Variants in CDC14A observed in about 807,000 individuals in gnomAD.
CDC14A encodes cell division cycle 14A, also known as dual specificity protein phosphatase CDC14A.
CDC14A carries 53 observed loss-of-function variants against 74.4 expected under a neutral mutation model. The observed-to-expected ratio is 0.71, with a 90% CI of 0.57 to 0.89. CDC14A has a LOEUF of 0.89. Among genes scored for constraint, CDC14A ranks in the 40% least tolerant of loss-of-function variants. CDC14A has a pLI of 0.00. For missense variants in CDC14A, 646 were observed against 713.7 expected, an observed-to-expected ratio of 0.91 and a Z score of 1.08; for synonymous variants, 247 against 258.4, an observed-to-expected ratio of 0.96 and a Z score of 0.43.
chr1:100,512,462 A>AT (rs940548688), intron 15 of CDC14A, among the ~76,000 whole-genome samples: 13 of 151,934 alleles, frequency 8.6e-5, no homozygotes, highest in South Asian at 8.3e-4. Context: ...GGAGTTGTGT[A>AT]TTTTTTTTCT....
intron 2 of CDC14A, among the ~76,000 whole-genome samples, chr1:100,365,748 A>G (rs1012847575): frequency 3.3e-5 from 5 of 152,192 alleles, no homozygotes; most frequent in African/African-American, 1.2e-4. Context: ...TAGTGCCCTC[A>G]TCTGAGGTTG....
At chr1:100,493,491 A>G (rs972792459) in intron 11 of CDC14A, among the ~76,000 whole-genome samples, 1 of 152,238 alleles carries the variant, frequency 6.6e-6, no homozygotes, top group African/African-American at 2.4e-5. Flanking sequence ...TTTGATGGTA[A>G]TAAGTTCCTC....
intron 4 of CDC14A, among the ~76,000 whole-genome samples, chr1:100,401,836 C>A (rs112842520): frequency 0.054 from 8,169 of 151,876 alleles, 416 homozygotes; most frequent in African/African-American, 0.13. Flanking sequence ...GTCGGGAGTT[C>A]GAGACCAGCC....
chr1:100,371,625 A>T (rs1378124611), intron 2 of CDC14A, among the ~76,000 whole-genome samples: 2 of 152,178 alleles, frequency 1.3e-5, no homozygotes, highest in African/African-American at 4.8e-5. Context: ...TGCTGACCCA[A>T]CCTTGCATTC....
At chr1:100,412,114 C>T (rs540232641) in intron 4 of CDC14A, among the ~76,000 whole-genome samples, 3 of 152,248 alleles carry the variant, frequency 2.0e-5, no homozygotes, top group East Asian at 3.9e-4. Flanking sequence ...TTTTATTCTT[C>T]GTGACCTGTG....
chr1:100,359,874 C>T (rs890684151), intron 2 of CDC14A, among the ~76,000 whole-genome samples: 1 of 151,476 alleles, frequency 6.6e-6, no homozygotes, highest in Non-Finnish European at 1.5e-5. Context: ...GTTTCTTCCC[C>T]CCTTTTTCTT....
At chr1:100,410,537 C>G (rs899415708) in intron 4 of CDC14A, among the ~76,000 whole-genome samples, 2 of 152,156 alleles carry the variant, frequency 1.3e-5, no homozygotes, top group African/African-American at 2.4e-5. Context: ...CCAGGCTGGT[C>G]TCACACTCCT....
At chr1:100,450,738 T>C (rs1346467447) in intron 7 of CDC14A, among the ~76,000 whole-genome samples, 1 of 152,224 alleles carries the variant, frequency 6.6e-6, no homozygotes, top group Non-Finnish European at 1.5e-5. Context: ...GTTTTGAGAC[T>C]TACCCTGACC....
chr1:100,371,312 G>C (rs1654439319), intron 2 of CDC14A, among the ~76,000 whole-genome samples: 2 of 152,102 alleles, frequency 1.3e-5, no homozygotes, highest in South Asian at 4.1e-4. Context: ...TGCTTGCTCT[G>C]GCTAGGACTT....
intron 7 of CDC14A, among the ~76,000 whole-genome samples, chr1:100,450,748 C>A (rs938620702): frequency 6.6e-6 from 1 of 152,274 alleles, no homozygotes; most frequent in South Asian, 2.1e-4. Context: ...TTACCCTGAC[C>A]TAAACAATTC....
chr1:100,420,063 C>CTATATATAT (rs1553180531), intron 4 of CDC14A, among the ~76,000 whole-genome samples: 7 of 61,564 alleles, frequency 1.1e-4, no homozygotes, highest in African/African-American at 2.8e-4. Context: ...CACACACACA[C>CTATATATAT]ATATATATAT....
intron 10 of CDC14A, among the ~76,000 whole-genome samples, chr1:100,477,123 C>G (rs1557803569): frequency 6.6e-6 from 1 of 152,160 alleles, no homozygotes; most frequent in Non-Finnish European, 1.5e-5. Context: ...CCAGCTCTGC[C>G]TACTGTCACT....
intron 11 of CDC14A, among the ~76,000 whole-genome samples, chr1:100,491,768 C>T (rs1670724556): frequency 6.6e-6 from 1 of 150,548 alleles, no homozygotes; most frequent in Admixed American, 6.6e-5. Flanking sequence ...GATGGGGTTT[C>T]ACCATGTGGG....
chr1:100,403,598 C>T (rs1659555352), intron 4 of CDC14A, among the ~76,000 whole-genome samples: 1 of 152,226 alleles, frequency 6.6e-6, no homozygotes, highest in Admixed American at 6.5e-5. Flanking sequence ...GGTTTTTATT[C>T]AGTTGGTACT....
At chr1:100,444,280 A>G (rs2101137360) in intron 7 of CDC14A, among the ~76,000 whole-genome samples, 1 of 152,224 alleles carries the variant, frequency 6.6e-6, no homozygotes, top group South Asian at 2.1e-4. Flanking sequence ...CTCAGGTCTC[A>G]CGTCTTTTCC....
chr1:100,470,029 C>T (rs905583353), intron 10 of CDC14A, among the ~76,000 whole-genome samples: 6 of 152,014 alleles, frequency 3.9e-5, no homozygotes, highest in African/African-American at 1.4e-4. Context: ...AGAAAGTCCT[C>T]CAAAATGATA....
intron 15 of CDC14A, chr1:100,504,944 G>A (rs768173243): frequency 5.9e-6 from 9 of 1,521,710 alleles, no homozygotes; most frequent in Non-Finnish European, 7.9e-6. Flanking sequence ...CCCAGTAAGT[G>A]GAATCCACCC....
chr1:100,467,074 G>A (rs186154445), intron 9 of CDC14A, among the ~76,000 whole-genome samples: 7 of 151,658 alleles, frequency 4.6e-5, no homozygotes, highest in Admixed American at 3.9e-4. Flanking sequence ...GCTCCTGGAA[G>A]GAACAATAAT....
intron 11 of CDC14A, among the ~76,000 whole-genome samples, chr1:100,492,170 A>C (rs1670773551): frequency 6.6e-6 from 1 of 152,344 alleles, no homozygotes; most frequent in African/African-American, 2.4e-5. Context: ...AAATACATGC[A>C]AAGTAATTAT....
Sources: gnomAD v4.1 joint callset for allele counts (sites outside exome capture counted in the v4.1 genomes callset) on GRCh38, gnomAD v4.1.1 for gene constraint, MANE v1.5 for transcripts, NCBI Gene and HGNC (gene_info 2026-07-23, HGNC 2026-07-21) for gene names.